Variants in CCSER1 observed in about 807,000 individuals in gnomAD.
The protein encoded by CCSER1 is serine-rich coiled-coil domain-containing protein 1.
CCSER1 carries 41 observed loss-of-function variants against 82.0 expected under a neutral mutation model. The observed-to-expected ratio is 0.50, with a 90% CI of 0.39 to 0.65. The LOEUF is 0.65. Ranked by LOEUF, CCSER1 falls within the 30% of genes least tolerant of loss-of-function variation. CCSER1 has a pLI of 0.00. For synonymous variants in CCSER1, 414 were observed against 383.9 expected (o/e 1.08, Z -0.92); for missense variants, 1,119 against 1,064.2 (o/e 1.05, Z -0.72).
chr4:90,268,495 C>G (rs1015052036), intron 1 of CCSER1, among the ~76,000 whole-genome samples: 1 of 151,954 alleles, frequency 6.6e-6, no homozygotes, highest in African/African-American at 2.4e-5. Context: ...ATGGGTTATA[C>G]TATATTATTT....
chr4:91,243,636 C>G (rs1047503139), intron 10 of CCSER1, among the ~76,000 whole-genome samples: 1 of 152,118 alleles, frequency 6.6e-6, no homozygotes, highest in East Asian at 1.9e-4. Flanking sequence ...AACCCTAGCT[C>G]CCAGATGACA....
At chr4:91,356,164 A>T (rs933053049) in intron 10 of CCSER1, among the ~76,000 whole-genome samples, 3 of 152,204 alleles carry the variant, frequency 2.0e-5, no homozygotes, top group African/African-American at 7.2e-5. Flanking sequence ...AGTTGTTTTG[A>T]GAGATAGGCC....
intron 9 of CCSER1, among the ~76,000 whole-genome samples, chr4:91,052,539 G>A (rs1285199621): frequency 6.6e-6 from 1 of 152,066 alleles, no homozygotes. Context: ...TTTGCATCCT[G>A]TTGTGGATCA....
intron 8 of CCSER1, among the ~76,000 whole-genome samples, chr4:90,916,273 G>C (rs1017378824): frequency 6.6e-6 from 1 of 152,082 alleles, no homozygotes; most frequent in Non-Finnish European, 1.5e-5. Context: ...ATACTACAAG[G>C]CTACAGTAAC....
chr4:90,156,970 G>C (rs962201972), intron 1 of CCSER1, among the ~76,000 whole-genome samples: 1 of 152,114 alleles, frequency 6.6e-6, no homozygotes, highest in Non-Finnish European at 1.5e-5. Context: ...TCCTAGCCTC[G>C]ATGGTTTTTA....
chr4:90,145,320 C>G (rs1244414955), intron 1 of CCSER1, among the ~76,000 whole-genome samples: 1 of 152,012 alleles, frequency 6.6e-6, no homozygotes, highest in Non-Finnish European at 1.5e-5. Context: ...ATCAAAATAA[C>G]TCATAAATAA....
At chr4:90,611,856 G>A (rs1407622936) in intron 5 of CCSER1, among the ~76,000 whole-genome samples, 2 of 150,286 alleles carry the variant, frequency 1.3e-5, no homozygotes, top group Non-Finnish European at 1.5e-5. Flanking sequence ...CACTCACGTG[G>A]CATGAAAAGG....
intron 3 of CCSER1, among the ~76,000 whole-genome samples, chr4:90,341,408 G>A (rs1235998568): frequency 6.6e-6 from 1 of 151,968 alleles, no homozygotes; most frequent in East Asian, 1.9e-4. Context: ...TATTAACACA[G>A]CAAATGAATT....
At chr4:91,103,014 T>C (rs1725236045) in intron 10 of CCSER1, among the ~76,000 whole-genome samples, 1 of 152,238 alleles carries the variant, frequency 6.6e-6, no homozygotes, top group African/African-American at 2.4e-5. Context: ...CAAATAATCC[T>C]TGTGTAAACT....
chr4:90,834,475 A>AG (rs1336969283), intron 8 of CCSER1, among the ~76,000 whole-genome samples: 1 of 152,188 alleles, frequency 6.6e-6, no homozygotes, highest in Non-Finnish European at 1.5e-5. Context: ...CAGTGCAGAG[A>AG]GAAAAAAATA....
intron 10 of CCSER1, among the ~76,000 whole-genome samples, chr4:91,248,446 T>G (rs555433463): frequency 6.6e-6 from 1 of 152,364 alleles, no homozygotes; most frequent in East Asian, 1.9e-4. Flanking sequence ...TTGAGTCATG[T>G]TGATAGTGTG....
At chr4:90,145,215 C>T (rs1312943691) in intron 1 of CCSER1, among the ~76,000 whole-genome samples, 1 of 152,014 alleles carries the variant, frequency 6.6e-6, no homozygotes, top group Non-Finnish European at 1.5e-5. Context: ...ATAAAAATCT[C>T]AGAGAAATAG....
intron 10 of CCSER1, among the ~76,000 whole-genome samples, chr4:91,407,173 T>A (rs1341648285): frequency 1.3e-5 from 2 of 151,994 alleles, no homozygotes; most frequent in Non-Finnish European, 2.9e-5. Context: ...ACAAGAAAAA[T>A]AAATAAATAG....
chr4:90,848,628 A>C (rs995717397), intron 8 of CCSER1, among the ~76,000 whole-genome samples: 1 of 152,206 alleles, frequency 6.6e-6, no homozygotes, highest in African/African-American at 2.4e-5. Context: ...AAGACCTAAT[A>C]ACAATCAGTT....
chr4:90,724,734 T>A (rs1216487523), intron 7 of CCSER1: 2 of 329,252 alleles, frequency 6.1e-6, no homozygotes, highest in Non-Finnish European at 1.2e-5. Flanking sequence ...TGCACTGATT[T>A]CAGTATAGTT....
At chr4:91,300,450 A>G (rs1744579171) in intron 10 of CCSER1, among the ~76,000 whole-genome samples, 1 of 151,874 alleles carries the variant, frequency 6.6e-6, no homozygotes. Flanking sequence ...AGGGAAATAT[A>G]TAAAAGAGTT....
At chr4:90,367,238 A>G (rs62312908) in intron 3 of CCSER1, among the ~76,000 whole-genome samples, 28,586 of 151,802 alleles carry the variant, frequency 0.19, 3,395 homozygotes, top group South Asian at 0.32. Flanking sequence ...GAAAAAAACA[A>G]CTACAAACAG....
intron 9 of CCSER1, among the ~76,000 whole-genome samples, chr4:90,965,514 C>T (rs1734476178): frequency 6.6e-6 from 1 of 152,070 alleles, no homozygotes; most frequent in African/African-American, 2.4e-5. Context: ...TTGGCAAAAG[C>T]CGGGAGACTT....
At chr4:91,220,412 A>T in intron 10 of CCSER1, among the ~76,000 whole-genome samples, 1 of 152,240 alleles carries the variant, frequency 6.6e-6, no homozygotes, top group East Asian at 1.9e-4. Context: ...ACATTTAAAA[A>T]TTGACTTTTT....
Sources: gnomAD v4.1 joint callset for allele counts (sites outside exome capture counted in the v4.1 genomes callset) on GRCh38, gnomAD v4.1.1 for gene constraint, MANE v1.5 for transcripts, NCBI Gene and HGNC (gene_info 2026-07-23, HGNC 2026-07-21) for gene names.